The following BAIAP2L1 variants were observed in gnomAD, a reference collection of about 807,000 sequenced individuals.
BAIAP2L1 encodes the protein BAR/IMD domain-containing adapter protein 2-like 1.
A neutral mutation model predicts 66.3 loss-of-function variants in BAIAP2L1; 35 were observed. That is an observed-to-expected ratio of 0.53 (90% CI 0.40 to 0.70). The LOEUF (loss-of-function observed/expected upper bound fraction) is 0.70. BAIAP2L1 is among the 30% of genes least tolerant of loss of function. BAIAP2L1 has a pLI of 0.00. For missense variants in BAIAP2L1, 622 were observed against 656.9 expected, an observed-to-expected ratio of 0.95 and a Z score of 0.58; for synonymous variants, 269 against 248.7, an observed-to-expected ratio of 1.08 and a Z score of -0.77.
chr7:98,374,681 G>C (rs1006034709), intron 1 of BAIAP2L1, among the ~76,000 whole-genome samples: 1 of 151,728 alleles, frequency 6.6e-6, no homozygotes, highest in Non-Finnish European at 1.5e-5. Context: ...GATTTTTGGT[G>C]AATATAATTA....
At position 98,300,413 on chromosome 7, in the gene BAIAP2L1, G is replaced by A. The variant is rs1411160323; in HGVS notation, c.1422+3783C>T. ...AGTGCTGTCTACAGAGGCTGGATGC[G>A]GGTGACAGTTGCAGTCCCTCCCCGC... On this transcript the variant is annotated intron_variant, in intron 12 of 13. Transcript: ENST00000005260. Among the ~76,000 whole-genome samples the A allele has an allele frequency of 3.3e-5, 5 of 152,202 alleles. No individual in the cohort carries two copies. In the East Asian group the frequency reaches 5.8e-4, roughly 18 times the overall value.
chr7:98,293,690 T>TG (rs1800064949), intron 13 of BAIAP2L1, 94 bp from the exon 14 acceptor site: 1 of 1,268,920 alleles, frequency 7.9e-7, no homozygotes, highest in African/African-American at 1.4e-5. Context: ...CCTGTGAGAC[T>TG]GGGCGGCTGA....
intron 1 of BAIAP2L1, among the ~76,000 whole-genome samples, chr7:98,392,503 C>G (rs1439104367): frequency 6.6e-6 from 1 of 152,122 alleles, no homozygotes; most frequent in Non-Finnish European, 1.5e-5. Flanking sequence ...CCAGAGCTCC[C>G]TTCTGGGAAT....
intron 12 of BAIAP2L1, among the ~76,000 whole-genome samples, chr7:98,302,697 A>AC (rs1315395370): frequency 6.6e-6 from 1 of 152,128 alleles, no homozygotes; most frequent in Non-Finnish European, 1.5e-5. Flanking sequence ...CAGAGGGGGG[A>AC]CCTGTAGCTA....
chr7:98,357,054 T>TCA (rs1802152275), intron 2 of BAIAP2L1, among the ~76,000 whole-genome samples: 2 of 40,184 alleles, frequency 5.0e-5, no homozygotes, highest in Non-Finnish European at 9.5e-5. Flanking sequence ...TATATATTTT[T>TCA]TTTTTTTTTT....
chr7:98,393,588 C>T (rs1803124355), intron 1 of BAIAP2L1, among the ~76,000 whole-genome samples: 1 of 151,806 alleles, frequency 6.6e-6, no homozygotes, highest in Admixed American at 6.6e-5. Flanking sequence ...AGCTCCGCCT[C>T]CTGGGTTCAC....
chr7:98,301,279 G>T (rs971125539), intron 12 of BAIAP2L1, among the ~76,000 whole-genome samples: 1 of 152,176 alleles, frequency 6.6e-6, no homozygotes, highest in Admixed American at 6.5e-5. Context: ...CCTTCTCATC[G>T]ATTTCAGTGA....
At chr7:98,394,311 T>C (rs1175742908) in intron 1 of BAIAP2L1, among the ~76,000 whole-genome samples, 3 of 152,154 alleles carry the variant, frequency 2.0e-5, no homozygotes, top group African/African-American at 2.4e-5. Context: ...CATGCAGTTA[T>C]GATAGTTTTA....
At chr7:98,352,959 G>A (rs544463157) in intron 3 of BAIAP2L1, among the ~76,000 whole-genome samples, 1 of 152,166 alleles carries the variant, frequency 6.6e-6, no homozygotes, top group South Asian at 2.1e-4. Context: ...GACACCAATA[G>A]GATGTTTCTT....
At chr7:98,348,744 C>A (rs959117309) in intron 3 of BAIAP2L1, among the ~76,000 whole-genome samples, 2 of 152,138 alleles carry the variant, frequency 1.3e-5, no homozygotes, top group African/African-American at 4.8e-5. Context: ...ATACAGAAGC[C>A]ACAAGGCACA....
intron 3 of BAIAP2L1, among the ~76,000 whole-genome samples, chr7:98,341,942 T>A (rs1801749594): frequency 6.6e-6 from 1 of 151,988 alleles, no homozygotes; most frequent in African/African-American, 2.4e-5. Context: ...GCTCTTTCCC[T>A]ACTGTGGTAT....
chr7:98,319,142 C>T (rs1801169740), intron 5 of BAIAP2L1, among the ~76,000 whole-genome samples: 1 of 152,080 alleles, frequency 6.6e-6, no homozygotes, highest in South Asian at 2.1e-4. Flanking sequence ...GGGCAACTCG[C>T]ACACTCACTG....
At chr7:98,357,565 CAAAAAA>C (rs10648487) in intron 2 of BAIAP2L1, among the ~76,000 whole-genome samples, 2 of 104,352 alleles carry the variant, frequency 1.9e-5, no homozygotes, top group African/African-American at 3.5e-5. Context: ...GACTCAGTCT[CAAAAAA>C]AAAAAAAAAA....
chr7:98,300,335 G>A (rs1055508348), intron 12 of BAIAP2L1, among the ~76,000 whole-genome samples: 55 of 152,278 alleles, frequency 3.6e-4, no homozygotes, highest in African/African-American at 1.1e-3. Flanking sequence ...CTGCGCTCCC[G>A]GAACTCCTGA....
At chr7:98,332,029 G>A (rs1386484500) in intron 3 of BAIAP2L1, among the ~76,000 whole-genome samples, 1 of 152,112 alleles carries the variant, frequency 6.6e-6, no homozygotes, top group Non-Finnish European at 1.5e-5. Context: ...GGGAAAAGAT[G>A]TTAAAAGAAG....
intron 3 of BAIAP2L1, among the ~76,000 whole-genome samples, chr7:98,321,417 A>AAG (rs1298187582): frequency 6.6e-6 from 1 of 152,296 alleles, no homozygotes; most frequent in East Asian, 1.9e-4. Flanking sequence ...CCGCAGCAGG[A>AAG]AGAGTGCTCA....
intron 6 of BAIAP2L1, 97 bp downstream of exon 6, chr7:98,317,122 G>A: frequency 6.7e-7 from 1 of 1,487,588 alleles, no homozygotes; most frequent in South Asian, 1.2e-5. Context: ...CAAAGTGCTG[G>A]GATTACAGGC....
intron 11 of BAIAP2L1, among the ~76,000 whole-genome samples, chr7:98,305,134 G>A (rs1488293540): frequency 7.3e-6 from 1 of 137,438 alleles, no homozygotes; most frequent in Non-Finnish European, 1.5e-5. Flanking sequence ...CAGGTGATCT[G>A]CCCGCCTCGG....
chr7:98,322,054 C>T (rs936411613), intron 3 of BAIAP2L1, among the ~76,000 whole-genome samples: 1 of 152,160 alleles, frequency 6.6e-6, no homozygotes, highest in African/African-American at 2.4e-5. Flanking sequence ...CGAGATAGCG[C>T]CACTGCACTC....
Sources: gnomAD v4.1 joint callset for allele counts (sites outside exome capture counted in the v4.1 genomes callset) on GRCh38, gnomAD v4.1.1 for gene constraint, MANE v1.5 for transcripts, NCBI Gene and HGNC (gene_info 2026-07-23, HGNC 2026-07-21) for gene names.